Variants in UBA6 observed in about 807,000 individuals in gnomAD.
UBA6 encodes the protein ubiquitin-like modifier-activating enzyme 6.
In UBA6, 87 loss-of-function variants were observed where a neutral mutation model predicts 148.3. The observed-to-expected ratio is 0.59, with a 90% CI of 0.49 to 0.70. The LOEUF is 0.70. UBA6 is among the 30% of genes least tolerant of loss of function. UBA6 has a pLI of 0.00. For synonymous variants in UBA6, 376 were observed against 401.0 expected (o/e 0.94, Z 0.75); for missense variants, 1,186 against 1,241.2 (o/e 0.96, Z 0.67).
chr4:67,614,854 G>A lies in UBA6; in HGVS notation c.*4143C>T, dbSNP rs975294700. The A allele has an allele frequency of 1.6e-5, 2 of 127,900 alleles. No individual in the cohort carries two copies. The highest frequency in any genetic ancestry group is 5.9e-5 in the African/African-American group (2 of 33,902). The allele number at this position is 127,900 out of a possible 1,614,324, so 7.9% of individuals were successfully genotyped here. A position where few individuals can be genotyped will look rare whatever the true frequency, so the allele number is the denominator to read the frequency against. On this transcript the variant is annotated 3_prime_UTR_variant, in exon 33 of 33. Transcript: ENST00000322244. The stretch of plus-strand genomic sequence containing the variant: ...ATAAAGATCCTTTATGAATCAATGA[G>A]GAAAAAGATTAGCAACACAACAAAA...
At chr4:67,662,937 T>C (rs925072294) in intron 12 of UBA6, 1 of 414,104 alleles carries the variant, frequency 2.4e-6, no homozygotes, top group Non-Finnish European at 4.3e-6. Context: ...AAAATTCACA[T>C]TTAGTATGAT....
intron 2 of UBA6, among the ~76,000 whole-genome samples, chr4:67,692,522 G>A (rs529021431): frequency 5.3e-5 from 8 of 152,196 alleles, no homozygotes; most frequent in East Asian, 3.9e-4. Flanking sequence ...CCAGTCCTCC[G>A]GCTACATAAC....
chr4:67,694,044 C>G (rs2109960582), intron 2 of UBA6, among the ~76,000 whole-genome samples: 1 of 151,434 alleles, frequency 6.6e-6, no homozygotes, highest in South Asian at 2.1e-4. Context: ...GAAACCCCGC[C>G]TCTACTAAAA....
At chr4:67,668,699 A>G (rs745985023) in intron 8 of UBA6, 25 bp from the exon 9 acceptor site, 6 of 1,591,072 alleles carry the variant, frequency 3.8e-6, no homozygotes, top group South Asian at 1.1e-5. Flanking sequence ...AATCTATTAA[A>G]AAAGAACTTC....
chr4:67,664,478 T>C (rs1299304614), intron 10 of UBA6, among the ~76,000 whole-genome samples: 4 of 152,026 alleles, frequency 2.6e-5, no homozygotes, highest in Non-Finnish European at 5.9e-5. Context: ...CAAAGCCTTG[T>C]AAACGACTGG....
Position 67,618,836 on chromosome 4 carries a change from T to C in UBA6, c.*161A>G. The C allele has an allele frequency of 1.5e-6, 1 of 677,404 alleles. No homozygotes were observed. Among genetic ancestry groups the C allele is most frequent in the Non-Finnish European group, 2.3e-6 (1 of 425,982 alleles). The allele number at this position is 677,404 out of a possible 1,614,324, so 42.0% of individuals were successfully genotyped here. A position where few individuals can be genotyped will look rare whatever the true frequency, so the allele number is the denominator to read the frequency against. On this transcript the variant is annotated 3_prime_UTR_variant, in exon 33 of 33. Coordinates refer to ENST00000322244, the MANE Select transcript of UBA6 (RefSeq NM_018227.6). ...AGTGTATGCTATGCCCCAAAATGTT[T>C]TATAATTCTTCAGTGCAGTTTCTTA...
intron 17 of UBA6, among the ~76,000 whole-genome samples, chr4:67,644,242 C>T (rs1729369351): frequency 6.6e-6 from 1 of 152,044 alleles, no homozygotes; most frequent in Admixed American, 6.5e-5. Flanking sequence ...TTAAATTGTA[C>T]ACTGAGCTTT....
intron 32 of UBA6, among the ~76,000 whole-genome samples, chr4:67,621,789 A>T (rs1227251549): frequency 6.6e-6 from 1 of 152,254 alleles, no homozygotes; most frequent in African/African-American, 2.4e-5. Flanking sequence ...TAGGCGACAC[A>T]GTGAGACTCC....
At chr4:67,666,632 T>C (rs934643413) in intron 9 of UBA6, among the ~76,000 whole-genome samples, 3 of 152,142 alleles carry the variant, frequency 2.0e-5, no homozygotes, top group Non-Finnish European at 4.4e-5. Context: ...TGCCAACACT[T>C]TGGGCAGCCA....
intron 18 of UBA6, among the ~76,000 whole-genome samples, chr4:67,639,949 G>GT (rs1729264251): frequency 6.6e-6 from 1 of 152,164 alleles, no homozygotes; most frequent in Admixed American, 6.5e-5. Context: ...GGATACTGCT[G>GT]TAAGGGGTAC....
At chr4:67,630,325 T>A in intron 26 of UBA6, 141 bp downstream of exon 26, 1 of 656,628 alleles carries the variant, frequency 1.5e-6, no homozygotes, top group Non-Finnish European at 2.5e-6. Flanking sequence ...TATGTTAGTA[T>A]GGGTAAAAAT....
intron 17 of UBA6, 82 bp from the exon 18 acceptor site, chr4:67,641,310 T>C (rs1415230591): frequency 1.8e-5 from 15 of 822,582 alleles, no homozygotes; most frequent in Non-Finnish European, 2.0e-5. Flanking sequence ...ACTAAAAAAG[T>C]CCTGACAAAT....
intron 13 of UBA6, among the ~76,000 whole-genome samples, chr4:67,653,105 T>G (rs1729594041): frequency 6.6e-6 from 1 of 152,200 alleles, no homozygotes; most frequent in South Asian, 2.1e-4. Context: ...AGGGCTTAGC[T>G]AAACAAAAGG....
chr4:67,661,694 C>T (rs1218455860), intron 13 of UBA6: 1 of 156,614 alleles, frequency 6.4e-6, no homozygotes, highest in African/African-American at 2.4e-5. Flanking sequence ...TATAGCTGCT[C>T]AAATAAAACT....
At chr4:67,642,435 T>A (rs929432150) in intron 17 of UBA6, among the ~76,000 whole-genome samples, 2 of 152,064 alleles carry the variant, frequency 1.3e-5, no homozygotes, top group Non-Finnish European at 2.9e-5. Flanking sequence ...CTTTTAACCA[T>A]CTCACTCTAA....
chr4:67,688,156 T>C (rs1401748482), intron 2 of UBA6, among the ~76,000 whole-genome samples: 3 of 152,176 alleles, frequency 2.0e-5, no homozygotes. Flanking sequence ...CCTTTCTTCA[T>C]ATAGTGATCT....
intron 23 of UBA6, among the ~76,000 whole-genome samples, chr4:67,632,839 A>G (rs1389719216): frequency 6.6e-6 from 1 of 151,346 alleles, no homozygotes; most frequent in East Asian, 2.0e-4. Context: ...GTTTTTTTTT[A>G]AAGTTGTTTC....
rs1560486846 is a variant in UBA6 at position 67,650,057 on chromosome 4, A to G, written c.1105-846T>C. Among the ~76,000 whole-genome samples the G allele has an allele frequency of 3.3e-5, 5 of 152,228 alleles. No individual in the cohort carries two copies. In the South Asian group the frequency reaches 8.3e-4, roughly 25 times the overall value. ...TTCCACCCCTCCATTTCAACTTTCTATATCTCATTATTTACAACTATTGAG... is the reference window on the plus strand; with the variant it reads ...TTCCACCCCTCCATTTCAACTTTCTGTATCTCATTATTTACAACTATTGAG... On this transcript the variant is annotated intron_variant, in intron 13 of 32. Coordinates refer to ENST00000322244, the MANE Select transcript of UBA6 (RefSeq NM_018227.6).
At chr4:67,623,243 G>C (rs946479932) in intron 30 of UBA6, 21 bp from the exon 31 acceptor site, 23 of 1,571,662 alleles carry the variant, frequency 1.5e-5, no homozygotes, top group Non-Finnish European at 1.6e-5. Context: ...AAAATATTCA[G>C]AACAGAAACA....
Sources: gnomAD v4.1 joint callset for allele counts (sites outside exome capture counted in the v4.1 genomes callset) on GRCh38, gnomAD v4.1.1 for gene constraint, MANE v1.5 for transcripts, NCBI Gene and HGNC (gene_info 2026-07-23, HGNC 2026-07-21) for gene names.